Variants in SMYD3 observed in about 807,000 individuals in gnomAD.
SMYD3 encodes SET and MYND domain containing 3.
A neutral mutation model predicts 57.7 loss-of-function variants in SMYD3; 36 were observed. The ratio of observed to expected loss-of-function variants is 0.62; its 90% CI spans 0.48 to 0.82. The LOEUF is 0.82. SMYD3 is among the 40% of genes least tolerant of loss of function. The probability of loss-of-function intolerance (pLI) is 0.00; values close to 1 mark genes in which losing one functional copy is unlikely to be tolerated. For missense variants in SMYD3, 515 were observed against 538.8 expected (o/e 0.96, Z 0.44); for synonymous variants, 211 against 195.0 (o/e 1.08, Z -0.68).
At chr1:246,305,078 TC>T (rs2064957294) in intron 5 of SMYD3, among the ~76,000 whole-genome samples, 1 of 152,206 alleles carries the variant, frequency 6.6e-6, no homozygotes, top group Non-Finnish European at 1.5e-5. Flanking sequence ...TACTTTACAA[TC>T]TATTGCCTAA....
intron 10 of SMYD3, among the ~76,000 whole-genome samples, chr1:245,851,372 G>A (rs1462012050): frequency 6.6e-6 from 1 of 152,214 alleles, no homozygotes; most frequent in Admixed American, 6.5e-5. Context: ...ACCCAGGAAT[G>A]TGAGATGTAC....
intron 5 of SMYD3, among the ~76,000 whole-genome samples, chr1:246,308,983 A>T (rs189085434): frequency 2.5e-4 from 38 of 152,300 alleles, no homozygotes; most frequent in African/African-American, 7.5e-4. Context: ...TCCATCTAAA[A>T]AATGAAAATT....
chr1:246,346,685 G>A (rs1408991347), intron 2 of SMYD3, among the ~76,000 whole-genome samples: 1 of 152,208 alleles, frequency 6.6e-6, no homozygotes, highest in Non-Finnish European at 1.5e-5. Context: ...CTGCCCCCAC[G>A]ATTCAATTAT....
chr1:246,267,244 T>C (rs1167759342), intron 5 of SMYD3, among the ~76,000 whole-genome samples: 2 of 152,158 alleles, frequency 1.3e-5, no homozygotes, highest in Admixed American at 6.5e-5. Flanking sequence ...ATTATAAATA[T>C]AGCCTAGATA....
rs57740230 is a variant in SMYD3, at chr1:246,282,305, C to CAAAAAAAAAAAAAAAAAAA, written c.531+44877_531+44895dup. On this transcript the variant is annotated intron_variant, in intron 5 of 11. Coordinates refer to ENST00000490107, the MANE Select transcript of SMYD3 (RefSeq NM_001167740.2). Reference sequence around the variant, plus strand: ...CAACATGGCAAGACCCTCATCTCTACAAAAAAAAAAAAAAAAAAAAAAAAA... The same window carrying CAAAAAAAAAAAAAAAAAAA: ...CAACATGGCAAGACCCTCATCTCTACAAAAAAAAAAAAAAAAAAAAAAAAAAAAAAAAAAAAAAAAAAAA... Among the ~76,000 whole-genome samples, 21 of 67,928 alleles carry CAAAAAAAAAAAAAAAAAAA rather than the reference C, an allele frequency of 3.1e-4. 1 individual carries two copies. Among genetic ancestry groups the CAAAAAAAAAAAAAAAAAAA allele is most frequent in the Non-Finnish European group, 4.0e-4 (16 of 39,656 alleles). 44.6% of individuals were successfully genotyped at this position (67,928 alleles called of 152,430 possible). A position where few individuals can be genotyped will look rare whatever the true frequency, so the allele number is the denominator to read the frequency against.
At chr1:246,247,487 T>TATATATATATATATATA (rs1558347068) in intron 5 of SMYD3, among the ~76,000 whole-genome samples, 8 of 141,346 alleles carry the variant, frequency 5.7e-5, no homozygotes, top group South Asian at 2.3e-4. Flanking sequence ...ATATATATAT[T>TATATATATATATATATA]TTTTAACATG....
intron 5 of SMYD3, among the ~76,000 whole-genome samples, chr1:245,965,708 A>C (rs1278950941): frequency 1.3e-5 from 2 of 152,232 alleles, no homozygotes; most frequent in African/African-American, 4.8e-5. Context: ...TAAAAAGATC[A>C]ATGGTGGCCA....
intron 1 of SMYD3, among the ~76,000 whole-genome samples, chr1:246,379,932 G>A (rs2066360187): frequency 6.6e-6 from 1 of 151,420 alleles, no homozygotes; most frequent in Non-Finnish European, 1.5e-5. Context: ...CCTGGGAGGT[G>A]GAGGTTGCAC....
chr1:246,289,808 A>C (rs1323271820), intron 5 of SMYD3, among the ~76,000 whole-genome samples: 1 of 152,180 alleles, frequency 6.6e-6, no homozygotes, highest in Non-Finnish European at 1.5e-5. Context: ...AATCCAGGGC[A>C]ACCCCGGGTA....
At chr1:246,397,875 C>T (rs1230410135) in intron 1 of SMYD3, among the ~76,000 whole-genome samples, 7 of 146,186 alleles carry the variant, frequency 4.8e-5, no homozygotes, top group African/African-American at 1.3e-4. Context: ...TGTGTTGAGT[C>T]GGCCTCTGGG....
intron 1 of SMYD3, among the ~76,000 whole-genome samples, chr1:246,422,771 A>AT (rs935996568): frequency 5.3e-5 from 8 of 151,524 alleles, no homozygotes; most frequent in Non-Finnish European, 1.2e-4. Flanking sequence ...ATTTATTATG[A>AT]TTTTTTTTTA....
At chr1:245,843,369 G>C (rs1274022108) in intron 10 of SMYD3, among the ~76,000 whole-genome samples, 2 of 152,072 alleles carry the variant, frequency 1.3e-5, no homozygotes, top group Non-Finnish European at 1.5e-5. Context: ...AGCTGCTTTG[G>C]GGATGTGGAT....
At chr1:246,334,693 A>C (rs7534732) in intron 3 of SMYD3, among the ~76,000 whole-genome samples, 107,161 of 152,066 alleles carry the variant, frequency 0.7, 38,791 homozygotes, top group African/African-American at 0.83. Context: ...ACAAATCTGC[A>C]CATGTACCCC....
chr1:246,119,887 G>A lies in SMYD3; in HGVS notation c.532-189950C>T, dbSNP rs115505450. On this transcript the variant is annotated intron_variant, in intron 5 of 11. Coordinates refer to ENST00000490107, the MANE Select transcript of SMYD3 (RefSeq NM_001167740.2). ...TTCTTTTCTTACCCATCAGTTCGTG[G>A]CTGAGATCCCTATAACAAAAGACAG... Among the ~76,000 whole-genome samples the A allele has an allele frequency of 7.3e-3, 1,113 of 152,224 alleles. 10 individuals are homozygous for A. The highest frequency in any genetic ancestry group is 0.036 in the South Asian group (176 of 4,822).
chr1:246,262,161 G>A (rs1221678806), intron 5 of SMYD3, among the ~76,000 whole-genome samples: 3 of 152,216 alleles, frequency 2.0e-5, no homozygotes, highest in Non-Finnish European at 4.4e-5. Flanking sequence ...GCAGATGTGA[G>A]TAGATATAGA....
chr1:246,034,989 G>A (rs185651662), intron 5 of SMYD3, among the ~76,000 whole-genome samples: 3 of 152,206 alleles, frequency 2.0e-5, no homozygotes, highest in East Asian at 1.9e-4. Flanking sequence ...AGTATGAAGC[G>A]TCATAGTGTT....
rs147643136 is a variant in SMYD3 at position 245,847,583 on chromosome 1, T to TC, written c.1076+10912dup. ...GGCTCCCTACAGGGGAAATGGGATTTCTTTTTTTCCTACTTTCTCTTCCAC... is the reference window on the plus strand; with the variant it reads ...GGCTCCCTACAGGGGAAATGGGATTTCCTTTTTTTCCTACTTTCTCTTCCAC... On this transcript the variant is annotated intron_variant, in intron 10 of 11. Transcript: ENST00000490107. 1.8e-3 allele frequency among the ~76,000 whole-genome samples: 281 copies of TC among 152,348 alleles called. 2 individuals carry two copies. Among genetic ancestry groups the TC allele is most frequent in the Non-Finnish European group, 2.5e-3 (170 of 68,036 alleles).
intron 5 of SMYD3, among the ~76,000 whole-genome samples, chr1:245,974,106 TC>T (rs1156549457): frequency 6.6e-6 from 1 of 152,062 alleles, no homozygotes; most frequent in African/African-American, 2.4e-5. Context: ...TCAGGCACCC[TC>T]CTTTCCTCTT....
At chr1:246,218,982 A>AC (rs2063209573) in intron 5 of SMYD3, among the ~76,000 whole-genome samples, 1 of 149,252 alleles carries the variant, frequency 6.7e-6, no homozygotes, top group South Asian at 2.1e-4. Context: ...TTCACAGAGC[A>AC]CCAATAGCTT....
Sources: gnomAD v4.1 joint callset for allele counts (sites outside exome capture counted in the v4.1 genomes callset) on GRCh38, gnomAD v4.1.1 for gene constraint, MANE v1.5 for transcripts, NCBI Gene and HGNC (gene_info 2026-07-23, HGNC 2026-07-21) for gene names.